ZNF778: variants seen among roughly 807,000 people sequenced by gnomAD.
The protein encoded by ZNF778 is zinc finger protein 778.
A neutral mutation model predicts 23.9 loss-of-function variants in ZNF778; 37 were observed. The observed-to-expected ratio is 1.54, with a 90% CI of 1.19 to 2.03. The LOEUF (loss-of-function observed/expected upper bound fraction) is 2.03, where lower values mean the gene tolerates loss of function less well. Ranked by LOEUF, ZNF778 falls within the 30% of genes most tolerant of loss-of-function variation. The probability of loss-of-function intolerance (pLI) is 0.00; values close to 1 mark genes in which losing one functional copy is unlikely to be tolerated. For missense variants in ZNF778, 1,297 were observed against 934.4 expected (o/e 1.39, Z -5.06); for synonymous variants, 483 against 343.9 (o/e 1.40, Z -4.48).
At chr16:89,219,402 G>A (rs1285564714) in intron 1 of ZNF778, among the ~76,000 whole-genome samples, 3 of 152,198 alleles carry the variant, frequency 2.0e-5, no homozygotes, top group Non-Finnish European at 2.9e-5. Context: ...GGCAAAGGGC[G>A]GATAGTAAGC....
rs1238865109 is a variant in ZNF778, at chr16:89,232,912, T to C, written c.*4350T>C. On this transcript the variant is annotated 3_prime_UTR_variant, in exon 7 of 7. Transcript: ENST00000433976. ...ACTCGCACTGCGTATGCAACTCAACTCGCACTGCGTATGCGAATCCACTCA... is the reference window on the plus strand; with the variant it reads ...ACTCGCACTGCGTATGCAACTCAACCCGCACTGCGTATGCGAATCCACTCA... 1 of 1,280,342 alleles carries C rather than the reference T, an allele frequency of 7.8e-7. No homozygotes were observed. Among genetic ancestry groups the C allele is most frequent in the African/African-American group, 1.5e-5 (1 of 65,266 alleles). 79.3% of individuals were successfully genotyped at this position (1,280,342 alleles called of 1,614,324 possible). A position where few individuals can be genotyped will look rare whatever the true frequency, so the allele number is the denominator to read the frequency against.
chr16:89,229,141 A>G lies in ZNF778; in HGVS notation c.*579A>G. The G allele has an allele frequency of 1.2e-5, 12 of 986,180 alleles. No individual in the cohort carries two copies. Among genetic ancestry groups the G allele is most frequent in the Non-Finnish European group, 1.4e-5 (12 of 830,526 alleles). The allele number at this position is 986,180 out of a possible 1,614,324, so 61.1% of individuals were successfully genotyped here. ...GTAGAAATCCTCCAGTCTGGTTGCT[A>G]CAGTGTCCACGTCGCAGCCTGGCTA... On this transcript the variant is annotated 3_prime_UTR_variant, in exon 7 of 7. Transcript: ENST00000433976.
At position 89,225,645 on chromosome 16, in the gene ZNF778, G is replaced by A; in HGVS notation, c.405+14G>A. 1 of 1,605,546 alleles carries A rather than the reference G, an allele frequency of 6.2e-7. No homozygotes were observed. The highest frequency in any genetic ancestry group is 8.5e-7 in the Non-Finnish European group (1 of 1,174,666). On this transcript the variant is annotated intron_variant, in intron 6 of 6. Coordinates refer to ENST00000433976, the MANE Select transcript of ZNF778 (RefSeq NM_001201407.2). ...GAGACACAGACGGTAAGATTAACAA[G>A]AGAGATTTTTTTATTTATCACACTC...
At chr16:89,219,085 C>T (rs901873501) in intron 1 of ZNF778, among the ~76,000 whole-genome samples, 6 of 151,864 alleles carry the variant, frequency 4.0e-5, no homozygotes, top group Non-Finnish European at 8.8e-5. Flanking sequence ...CCAGCCTGGG[C>T]GACAGAGCAA....
In ZNF778 at chr16:89,227,617, C is replaced by G; in HGVS notation, c.1329C>G (p.His443Gln). The part of the protein sequence containing the change: ...RCGLTRHVRT[H>Q]TGEKPYTCKD... ...GCCTTACTAGACACGTACGAACACA[C>G]ACGGGCGAGAAGCCATACACGTGTA... is the stretch of plus-strand genomic sequence containing the variant. The change falls in exon 7 of 7, where the codon CAC becomes CAG. Residue 443 changes from histidine to glutamine, a missense_variant. His to Gln is a conservative substitution (Grantham distance 24, BLOSUM62 0). Coordinates refer to ENST00000433976, the MANE Select transcript of ZNF778 (RefSeq NM_001201407.2). 1 of 1,614,122 alleles carries G rather than the reference C, an allele frequency of 6.2e-7. No homozygotes were observed. The highest frequency in any genetic ancestry group is 8.5e-7 in the Non-Finnish European group (1 of 1,179,990).
chr16:89,235,298 A>T lies in ZNF778; in HGVS notation c.*6736A>T, dbSNP rs2032204780. The T allele has an allele frequency of 6.6e-6, 1 of 152,192 alleles. No homozygotes were observed. Among genetic ancestry groups the T allele is most frequent in the Non-Finnish European group, 1.5e-5 (1 of 68,030 alleles). 9.4% of individuals were successfully genotyped at this position (152,192 alleles called of 1,614,324 possible). A position where few individuals can be genotyped will look rare whatever the true frequency, so the allele number is the denominator to read the frequency against. ...CGTTTTCACACAACGAGTGGGAAAC[A>T]GGTGTCCTAACACTGTGAGAGAAAA... On this transcript the variant is annotated 3_prime_UTR_variant, in exon 7 of 7. Transcript: ENST00000433976.
At chr16:89,223,362 G>A (rs992168515) in intron 4 of ZNF778, 79 bp downstream of exon 4, 6 of 1,585,234 alleles carry the variant, frequency 3.8e-6, no homozygotes, top group South Asian at 3.4e-5. Flanking sequence ...GGTTGGTGAC[G>A]GCAAAGCCGA....
At chr16:89,226,219 T>C (rs1344973787) in intron 6 of ZNF778, among the ~76,000 whole-genome samples, 1 of 152,050 alleles carries the variant, frequency 6.6e-6, no homozygotes, top group African/African-American at 2.4e-5. Context: ...CGATTCTTTT[T>C]TTTGACATGG....
rs565992209 is a variant in ZNF778, at chr16:89,225,527, T to C, written c.329-28T>C. 7.1e-5 allele frequency: 107 copies of C among 1,508,610 alleles called. No individual in the cohort carries two copies. The African/African-American group carries it at 1.5e-3, about 22-fold the overall frequency. The allele number at this position is 1,508,610 out of a possible 1,614,324, so 93.5% of individuals were successfully genotyped here. On this transcript the variant is annotated intron_variant, in intron 5 of 6. Transcript: ENST00000433976. ...AAACAAATACCAATGAGTTTGATCG[T>C]TTTTAGGTCATTCTTCTTTCTTTTC...
In ZNF778 at chr16:89,234,106, T is replaced by C; in HGVS notation, c.*5544T>C. The C allele has an allele frequency of 2.0e-6, 1 of 511,218 alleles. No individual in the cohort carries two copies. Among genetic ancestry groups the C allele is most frequent in the South Asian group, 1.5e-5 (1 of 65,360 alleles). 31.7% of individuals were successfully genotyped at this position (511,218 alleles called of 1,614,324 possible). A position where few individuals can be genotyped will look rare whatever the true frequency, so the allele number is the denominator to read the frequency against. On this transcript the variant is annotated 3_prime_UTR_variant, in exon 7 of 7. Coordinates refer to ENST00000433976, the MANE Select transcript of ZNF778 (RefSeq NM_001201407.2). ...GCCCTGCCTGGAGTGATGTGCCGCC[T>C]TCTCTTGACACTGTGAGTGATAAAC...
intron 3 of ZNF778, 89 bp downstream of exon 3, chr16:89,222,272 C>T: frequency 2.0e-6 from 2 of 1,009,522 alleles, no homozygotes; most frequent in African/African-American, 1.6e-5. Context: ...GTCTGCACAG[C>T]CTCACTCAAG....
intron 2 of ZNF778, among the ~76,000 whole-genome samples, chr16:89,221,480 G>A (rs1187206513): frequency 6.6e-6 from 1 of 152,122 alleles, no homozygotes; most frequent in African/African-American, 2.4e-5. Flanking sequence ...GTCACCAGGC[G>A]AAACAGACTA....
Position 89,227,340 on chromosome 16 carries a change from G to T in ZNF778, c.1052G>T (p.Gly351Val). The change falls in exon 7 of 7, where the codon GGT becomes GTT. Residue 351 changes from glycine (G) to valine (V), a missense_variant. By Grantham distance (109) the Gly-to-Val change is moderately radical. Transcript: ENST00000433976. ...GGAAAAGCCTTCACTGGACTCTCAG[G>T]TCTTTCTAAACACGTCCAAACAGAC... The part of the protein sequence containing the change: ...ECGKAFTGLS[G>V]LSKHVQTDPG... The T allele has an allele frequency of 1.9e-6, 3 of 1,613,952 alleles. No individual in the cohort carries two copies. Among genetic ancestry groups the T allele is most frequent in the Non-Finnish European group, 2.5e-6 (3 of 1,179,880 alleles).
chr16:89,227,068 A>G lies in ZNF778; in HGVS notation c.780A>G (p.Lys260=). 6.2e-7 allele frequency: 1 copy of G among 1,614,034 alleles called. No homozygotes were observed. Among genetic ancestry groups the G allele is most frequent in the Non-Finnish European group, 8.5e-7 (1 of 1,179,898 alleles). The part of the protein sequence containing the change: ...EETWKWKPCG[K]ALTHSMGCAT... ...CATGGAAATGGAAGCCGTGTGGGAA[A>G]GCTCTAACTCACTCCATGGGCTGCG... The change falls in exon 7 of 7, where the codon AAA becomes AAG. Residue 260 remains lysine (K), a synonymous_variant. Transcript: ENST00000433976.
chr16:89,233,709 T>TCACACTGCGTATGCAAATCAACTCG lies in ZNF778; in HGVS notation c.*5150_*5151insACTGCGTATGCAAATCAACTCGCAC, dbSNP rs112060123. On this transcript the variant is annotated 3_prime_UTR_variant, in exon 7 of 7. Transcript: ENST00000433976. ...CAACTTACTGCATATGCAACTCAAC[T>TCACACTGCGTATGCAAATCAACTCG]CACTGCGTATGCAACTCAACTCGCA... 8.3e-7 allele frequency: 1 copy of TCACACTGCGTATGCAAATCAACTCG among 1,204,224 alleles called. No homozygotes were observed. Among genetic ancestry groups the TCACACTGCGTATGCAAATCAACTCG allele is most frequent in the African/African-American group, 1.8e-5 (1 of 56,368 alleles). The allele number at this position is 1,204,224 out of a possible 1,614,324, so 74.6% of individuals were successfully genotyped here. A position where few individuals can be genotyped will look rare whatever the true frequency, so the allele number is the denominator to read the frequency against.
chr16:89,227,005 C>G lies in ZNF778; in HGVS notation c.717C>G (p.Tyr239Ter), dbSNP rs781132481. 2.5e-5 allele frequency: 40 copies of G among 1,613,966 alleles called. No homozygotes were observed. The highest frequency in any genetic ancestry group is 1.6e-4 in the Middle Eastern group (1 of 6,062). Residue 239 changes from tyrosine (Y) to a stop codon, truncating the protein, a stop_gained, in exon 7 of 7, where the codon TAC becomes TAG. Coordinates refer to ENST00000433976, the MANE Select transcript of ZNF778 (RefSeq NM_001201407.2). LOFTEE classifies it low-confidence loss of function (END_TRUNC). ...GGGAAGTGTTCCTTAATCAGTCATA[C>G]CTTCAGGCACGTGCGGGAAGTCACA... is the stretch of plus-strand genomic sequence containing the variant. ...SCGEVFLNQS[Y>*]LQARAGSHNG...
rs1328185629 is a variant in ZNF778, at chr16:89,221,143, C to G, written c.16C>G (p.Leu6Val). MAAPD[L>V]AHGGHVSRDS... ...GCCTCCCAGGATGGCAGCCCCTGAC[C>G]TGGCCCACGGTAAGTCCTGGTGGGG... The change falls in exon 2 of 7, where the codon CTG becomes GTG. Residue 6 changes from leucine (L) to valine (V), a missense_variant. Physicochemically the swap from Leu to Val is conservative, Grantham distance 32. Transcript: ENST00000433976. 1 of 1,566,194 alleles carries G rather than the reference C, an allele frequency of 6.4e-7. No homozygotes were observed. Among genetic ancestry groups the G allele is most frequent in the Admixed American group, 1.9e-5 (1 of 53,126 alleles).
intron 3 of ZNF778, among the ~76,000 whole-genome samples, 183 bp from the exon 4 acceptor site, chr16:89,222,974 C>T (rs2076744788): frequency 1.3e-5 from 2 of 151,714 alleles, no homozygotes; most frequent in South Asian, 2.1e-4. Flanking sequence ...ACAGGGTGCG[C>T]GTGACTGGAG....
rs766300407 is a variant in ZNF778 at position 89,227,392 on chromosome 16, G to C, written c.1104G>C (p.Lys368Asn). 1 of 1,613,994 alleles carries C rather than the reference G, an allele frequency of 6.2e-7. No homozygotes were observed. Among genetic ancestry groups the C allele is most frequent in the South Asian group, 1.1e-5 (1 of 91,084 alleles). ...TDPGQKPYEC[K>N]DCGKACGGFY... Reference sequence around the variant, plus strand: ...CTGGACAGAAGCCCTATGAATGTAAGGACTGTGGGAAAGCCTGCGGTGGGT... The same window carrying C: ...CTGGACAGAAGCCCTATGAATGTAACGACTGTGGGAAAGCCTGCGGTGGGT... The change falls in exon 7 of 7, where the codon AAG (lysine) becomes AAC (asparagine). Residue 368 changes from lysine to asparagine, a missense_variant. By Grantham distance (94) the Lys-to-Asn change is moderately conservative. Transcript: ENST00000433976.
Sources: gnomAD v4.1 joint callset for allele counts (sites outside exome capture counted in the v4.1 genomes callset) on GRCh38, gnomAD v4.1.1 for gene constraint, MANE v1.5 for transcripts, NCBI Gene and HGNC (gene_info 2026-07-23, HGNC 2026-07-21) for gene names.